Variants in CNOT4 observed in about 807,000 individuals in gnomAD.
CNOT4 encodes CCR4-associated factor 4.
In CNOT4, 8 loss-of-function variants were observed where a neutral mutation model predicts 73.8. The observed-to-expected ratio is 0.11, with a 90% CI of 0.06 to 0.20. The LOEUF is 0.20. Among genes scored for constraint, CNOT4 ranks in the 10% least tolerant of loss-of-function variants. CNOT4 has a pLI of 1.00. For synonymous variants in CNOT4, 293 were observed against 321.1 expected, an observed-to-expected ratio of 0.91 and a Z score of 0.94; for missense variants, 564 against 883.4, an observed-to-expected ratio of 0.64 and a Z score of 4.58.
intron 1 of CNOT4, among the ~76,000 whole-genome samples, chr7:135,469,209 C>T (rs925664588): frequency 2.0e-5 from 3 of 151,714 alleles, no homozygotes; most frequent in African/African-American, 7.3e-5. Context: ...CTAGTATATA[C>T]ATCAGGTACT....
intron 3 of CNOT4, among the ~76,000 whole-genome samples, chr7:135,417,425 T>G (rs1797930932): frequency 6.6e-6 from 1 of 152,224 alleles, no homozygotes; most frequent in African/African-American, 2.4e-5. Context: ...AAATTATGTG[T>G]GTAGACAAAT....
Position 135,471,270 on chromosome 7 carries a change from T to TA in CNOT4, c.-92-32848dup, listed in dbSNP as rs893237945. 4.8e-4 allele frequency among the ~76,000 whole-genome samples: 70 copies of TA among 145,306 alleles called. No individual in the cohort carries two copies. In the South Asian group the frequency reaches 6.3e-3, roughly 13 times the overall value. On this transcript the variant is annotated intron_variant, in intron 1 of 11. Coordinates refer to ENST00000541284, the MANE Select transcript of CNOT4 (RefSeq NM_001190850.2). ...GGAAACAGAGATAAGAGATTCTGAT[T>TA]AAAAAAAAAAAGTCTCTAAGCATGC...
At chr7:135,460,091 T>C (rs1321427083) in intron 1 of CNOT4, among the ~76,000 whole-genome samples, 1 of 152,244 alleles carries the variant, frequency 6.6e-6, no homozygotes, top group Non-Finnish European at 1.5e-5. Context: ...AGCCTTGCTC[T>C]GGATGTGAGT....
Position 135,364,106 on chromosome 7 carries a change from A to T in CNOT4, c.1628-40T>A. The T allele has an allele frequency of 4.2e-6, 6 of 1,429,512 alleles. No homozygotes were observed. The highest frequency in any genetic ancestry group is 1.8e-4 in the Middle Eastern group (1 of 5,642). The allele number at this position is 1,429,512 out of a possible 1,614,324, so 88.6% of individuals were successfully genotyped here. On this transcript the variant is annotated intron_variant, in intron 10 of 11. Coordinates refer to ENST00000541284, the MANE Select transcript of CNOT4 (RefSeq NM_001190850.2). This position sits in a 1 kb window ranked among gnomAD's most constrained non-coding sequence, Gnocchi z 4.3. The stretch of plus-strand genomic sequence containing the variant: ...AACAAAAAAATGAAAGATAAAAAAA[A>T]ATAAAAAGCTACGTTAGAAACATAT...
chr7:135,388,763 A>G (rs1352233417), intron 10 of CNOT4: 1 of 1,598,434 alleles, frequency 6.3e-7, no homozygotes, highest in Non-Finnish European at 8.6e-7. Context: ...CAAGCACCCC[A>G]GAGTCTAATC....
At chr7:135,424,263 A>T (rs1050632267) in intron 2 of CNOT4, among the ~76,000 whole-genome samples, 3 of 152,092 alleles carry the variant, frequency 2.0e-5, no homozygotes, top group Admixed American at 6.6e-5. Flanking sequence ...TTCTGTACCT[A>T]CATTAATTAT....
At chr7:135,464,498 T>A (rs1801099585) in intron 1 of CNOT4, among the ~76,000 whole-genome samples, 1 of 151,736 alleles carries the variant, frequency 6.6e-6, no homozygotes, top group South Asian at 2.1e-4. Context: ...AACTTATGAA[T>A]ACAAAAAAGG....
chr7:135,369,788 T>G (rs1347767438), intron 10 of CNOT4, among the ~76,000 whole-genome samples: 1 of 152,190 alleles, frequency 6.6e-6, no homozygotes, highest in Non-Finnish European at 1.5e-5. Context: ...TGGGATGGAG[T>G]GCATCTTCAT....
Position 135,482,986 on chromosome 7 carries a change from C to CAA in CNOT4, c.-93+26901_-93+26902dup, listed in dbSNP as rs36125617. Among the ~76,000 whole-genome samples, 137 of 43,468 alleles carry CAA rather than the reference C, an allele frequency of 3.2e-3. 1 individual carries two copies. The highest frequency in any genetic ancestry group is 7.5e-3 in the African/African-American group (77 of 10,262). The allele number at this position is 43,468 out of a possible 152,430, so 28.5% of individuals were successfully genotyped here. A position where few individuals can be genotyped will look rare whatever the true frequency, so the allele number is the denominator to read the frequency against. On this transcript the variant is annotated intron_variant, in intron 1 of 11. Coordinates refer to ENST00000541284, the MANE Select transcript of CNOT4 (RefSeq NM_001190850.2). ...GGGCAACTAGAGCGAGACTCCATATCAAAAAAAAAAAAAAAAAAAAAAAGT... is the reference window on the plus strand; with the variant it reads ...GGGCAACTAGAGCGAGACTCCATATCAAAAAAAAAAAAAAAAAAAAAAAAAGT...
In CNOT4 at chr7:135,502,400, T is replaced by C. The variant is rs115471330; in HGVS notation, c.-93+7489A>G. Reference sequence around the variant, plus strand: ...CATACTACATGTAGCACACATTATTTGTACACTGCTTTGGACAGTGCTAAT... The same window carrying C: ...CATACTACATGTAGCACACATTATTCGTACACTGCTTTGGACAGTGCTAAT... On this transcript the variant is annotated intron_variant, in intron 1 of 11. Coordinates refer to ENST00000541284, the MANE Select transcript of CNOT4 (RefSeq NM_001190850.2). Among the ~76,000 whole-genome samples, 411 of 152,346 alleles carry C rather than the reference T, an allele frequency of 2.7e-3. 2 individuals carry two copies. Among genetic ancestry groups the C allele is most frequent in the African/African-American group, 9.5e-3 (394 of 41,586 alleles).
chr7:135,432,552 T>G (rs1371286329), intron 2 of CNOT4, among the ~76,000 whole-genome samples: 1 of 152,204 alleles, frequency 6.6e-6, no homozygotes, highest in South Asian at 2.1e-4. Context: ...CTTGCAGTTC[T>G]CTGATGTGTT....
chr7:135,385,757 A>T (rs1227382567), intron 10 of CNOT4, among the ~76,000 whole-genome samples: 10 of 152,174 alleles, frequency 6.6e-5, no homozygotes, highest in Admixed American at 5.9e-4. Context: ...ATGAGTCTGG[A>T]CTGCTATGGT....
At chr7:135,441,157 G>A (rs1799456654) in intron 1 of CNOT4, among the ~76,000 whole-genome samples, 1 of 151,768 alleles carries the variant, frequency 6.6e-6, no homozygotes, top group Admixed American at 6.6e-5. Context: ...ACACCAAAAT[G>A]TTGTTATTTC....
chr7:135,445,828 G>A (rs1387406742), intron 1 of CNOT4, among the ~76,000 whole-genome samples: 2 of 152,160 alleles, frequency 1.3e-5, no homozygotes, highest in Non-Finnish European at 2.9e-5. Flanking sequence ...TATGCTTTAA[G>A]TGAAATAAGC....
At chr7:135,415,081 G>A (rs1585608339) in intron 4 of CNOT4, 95 bp downstream of exon 4, 1 of 758,778 alleles carries the variant, frequency 1.3e-6, no homozygotes, top group East Asian at 2.5e-5. Flanking sequence ...TGTCCCTCAA[G>A]CTTTCTAATC....
chr7:135,501,769 C>A (rs542551705), intron 1 of CNOT4, among the ~76,000 whole-genome samples: 1 of 152,322 alleles, frequency 6.6e-6, no homozygotes, highest in African/African-American at 2.4e-5. Context: ...GTAATTAACA[C>A]TTTATTCCAT....
At chr7:135,450,061 A>G (rs1159229327) in intron 1 of CNOT4, among the ~76,000 whole-genome samples, 1 of 152,164 alleles carries the variant, frequency 6.6e-6, no homozygotes, top group East Asian at 1.9e-4. Context: ...AACAGCTAAA[A>G]ATAGTCAGGC....
intron 7 of CNOT4, among the ~76,000 whole-genome samples, chr7:135,405,236 C>G (rs932328838): frequency 6.6e-6 from 1 of 152,150 alleles, no homozygotes; most frequent in Non-Finnish European, 1.5e-5. Flanking sequence ...TAAATGAACA[C>G]AGAAGACTCA....
chr7:135,508,961 C>T (rs1804549768), intron 1 of CNOT4: 1 of 152,210 alleles, frequency 6.6e-6, no homozygotes, highest in Admixed American at 6.6e-5. Context: ...AGTCCTAACA[C>T]AACAGAGCGA....
Sources: gnomAD v4.1 joint callset for allele counts (sites outside exome capture counted in the v4.1 genomes callset) on GRCh38, gnomAD v4.1.1 for gene constraint, Gnocchi (gnomAD v3.1) non-coding constraint, MANE v1.5 for transcripts, NCBI Gene and HGNC (gene_info 2026-07-23, HGNC 2026-07-21) for gene names.